Variants in PAN3 observed in about 807,000 individuals in gnomAD.
PAN3 encodes the protein PAN2-PAN3 deadenylation complex subunit PAN3.
PAN3 carries 19 observed loss-of-function variants against 96.2 expected under a neutral mutation model. The observed-to-expected ratio is 0.20, with a 90% CI of 0.14 to 0.29. The LOEUF is 0.29. PAN3 is among the 10% of genes least tolerant of loss of function. PAN3 has a pLI of 1.00. For synonymous variants in PAN3, 433 were observed against 406.6 expected (o/e 1.06, Z -0.78); for missense variants, 882 against 1,108.1 (o/e 0.80, Z 2.90).
chr13:28,144,263 C>CT (rs1870285684), intron 1 of PAN3, among the ~76,000 whole-genome samples: 1 of 136,160 alleles, frequency 7.3e-6, no homozygotes, highest in Non-Finnish European at 1.5e-5. Context: ...GTCTCCCAGG[C>CT]TGGAGTGCAG....
chr13:28,203,479 TG>T (rs1359478402), intron 5 of PAN3, among the ~76,000 whole-genome samples: 8 of 151,954 alleles, frequency 5.3e-5, no homozygotes, highest in Non-Finnish European at 1.0e-4. Context: ...AGGTTTTCTT[TG>T]TATTTTTTTG....
chr13:28,152,717 TA>T (rs903525828), intron 1 of PAN3, among the ~76,000 whole-genome samples: 1 of 152,186 alleles, frequency 6.6e-6, no homozygotes, highest in African/African-American at 2.4e-5. Context: ...GAGCTGAAGA[TA>T]AATGTCCCGT....
At chr13:28,204,810 TCA>T (rs1879153807) in intron 5 of PAN3, among the ~76,000 whole-genome samples, 1 of 152,334 alleles carries the variant, frequency 6.6e-6, no homozygotes, top group South Asian at 2.1e-4. Flanking sequence ...TAATTTTGTC[TCA>T]GACTTTTGAA....
chr13:28,216,033 G>A, intron 5 of PAN3: 1 of 542,888 alleles, frequency 1.8e-6, no homozygotes, highest in Admixed American at 3.1e-5. Context: ...AAAACCTTCA[G>A]AAGGAAAGGA....
chr13:28,184,969 ACT>A lies in PAN3; in HGVS notation c.690+7037_690+7038del, dbSNP rs1876273431. ...CTGTCAGTTTTGAAATGTCATGCTT[ACT>A]CTGTTTCTCTCATACTATGTTTAAA... is the stretch of plus-strand genomic sequence containing the variant. On this transcript the variant is annotated intron_variant, in intron 4 of 18. Coordinates refer to ENST00000380958, the MANE Select transcript of PAN3 (RefSeq NM_175854.8). Among the ~76,000 whole-genome samples, 4 of 152,154 alleles carry A rather than the reference ACT, an allele frequency of 2.6e-5. No homozygotes were observed. In the South Asian group the frequency reaches 8.3e-4, roughly 32 times the overall value.
At chr13:28,250,714 G>A (rs1436089522) in intron 6 of PAN3, among the ~76,000 whole-genome samples, 1 of 151,740 alleles carries the variant, frequency 6.6e-6, no homozygotes. Flanking sequence ...ATGTTGCCCA[G>A]ACTGGCCTCT....
chr13:28,218,861 G>A (rs764325363), intron 5 of PAN3, among the ~76,000 whole-genome samples: 7 of 152,030 alleles, frequency 4.6e-5, no homozygotes, highest in South Asian at 2.1e-4. Flanking sequence ...GTAATCTTGC[G>A]TAATCCTGAA....
intron 5 of PAN3, among the ~76,000 whole-genome samples, chr13:28,206,854 A>C (rs1463471526): frequency 1.3e-5 from 2 of 150,622 alleles, no homozygotes; most frequent in Non-Finnish European, 2.9e-5. Context: ...CTGTAATCTC[A>C]CATGTCTTCA....
At chr13:28,182,829 A>C (rs1413914933) in intron 4 of PAN3, among the ~76,000 whole-genome samples, 5 of 152,198 alleles carry the variant, frequency 3.3e-5, no homozygotes, top group African/African-American at 1.2e-4. Context: ...TGTTTATCTT[A>C]AGAGCACCCA....
intron 5 of PAN3, among the ~76,000 whole-genome samples, chr13:28,205,417 A>T (rs1345268372): frequency 6.6e-6 from 1 of 152,044 alleles, no homozygotes; most frequent in Non-Finnish European, 1.5e-5. Context: ...ATGTTCTCAG[A>T]CCTACTCAAC....
intron 6 of PAN3, among the ~76,000 whole-genome samples, chr13:28,224,080 C>T (rs1881731111): frequency 1.3e-5 from 2 of 151,440 alleles, no homozygotes; most frequent in South Asian, 4.2e-4. Flanking sequence ...ACCATGTTAG[C>T]CAGGATGGTC....
At chr13:28,157,270 T>C (rs1457338527) in intron 1 of PAN3, among the ~76,000 whole-genome samples, 1 of 152,064 alleles carries the variant, frequency 6.6e-6, no homozygotes, top group Non-Finnish European at 1.5e-5. Flanking sequence ...AGCAGCATCA[T>C]AACTGAATGG....
intron 6 of PAN3, among the ~76,000 whole-genome samples, chr13:28,224,788 C>G (rs1370270698): frequency 6.6e-6 from 1 of 151,988 alleles, no homozygotes; most frequent in African/African-American, 2.4e-5. Context: ...TTAAAAAATT[C>G]TTTTTAAATT....
chr13:28,191,485 G>T (rs1193917050), intron 4 of PAN3, among the ~76,000 whole-genome samples: 1 of 152,150 alleles, frequency 6.6e-6, no homozygotes, highest in East Asian at 1.9e-4. Flanking sequence ...GTGGTATTTA[G>T]TGGGAGGATA....
At chr13:28,156,015 T>C (rs532612926) in intron 1 of PAN3, among the ~76,000 whole-genome samples, 1 of 152,302 alleles carries the variant, frequency 6.6e-6, no homozygotes, top group East Asian at 1.9e-4. Flanking sequence ...TGATAAGATC[T>C]GTGTTTTACC....
At chr13:28,140,941 G>C (rs891069801) in intron 1 of PAN3, among the ~76,000 whole-genome samples, 1 of 150,900 alleles carries the variant, frequency 6.6e-6, no homozygotes, top group African/African-American at 2.5e-5. Flanking sequence ...TGACTCAGTA[G>C]TAATGTTTGA....
intron 6 of PAN3, among the ~76,000 whole-genome samples, chr13:28,237,379 A>G (rs1883210095): frequency 6.6e-6 from 1 of 152,152 alleles, no homozygotes; most frequent in Admixed American, 6.5e-5. Flanking sequence ...ATATCACTGG[A>G]ACTCAGAAAT....
At chr13:28,250,622 C>A (rs1478698002) in intron 6 of PAN3, among the ~76,000 whole-genome samples, 2 of 152,186 alleles carry the variant, frequency 1.3e-5, no homozygotes, top group Non-Finnish European at 2.9e-5. Flanking sequence ...CCGCCTCGGC[C>A]TCCCAAAGTG....
At chr13:28,261,809 G>A (rs1326402408) in intron 9 of PAN3, among the ~76,000 whole-genome samples, 1 of 146,390 alleles carries the variant, frequency 6.8e-6, no homozygotes, top group Non-Finnish European at 1.5e-5. Context: ...CTCCAGCCGG[G>A]GTGACAGAGT....
Sources: gnomAD v4.1 joint callset for allele counts (sites outside exome capture counted in the v4.1 genomes callset) on GRCh38, gnomAD v4.1.1 for gene constraint, MANE v1.5 for transcripts, NCBI Gene and HGNC (gene_info 2026-07-23, HGNC 2026-07-21) for gene names.